The following SPTLC2 variants were observed in gnomAD, a reference collection of about 807,000 sequenced individuals.
SPTLC2 encodes the protein serine palmitoyltransferase 2.
Under a neutral mutation model 62.0 loss-of-function variants are expected in SPTLC2, and 21 were observed. That is an observed-to-expected ratio of 0.34 (90% CI 0.24 to 0.49). The LOEUF (loss-of-function observed/expected upper bound fraction) is 0.49. Among genes scored for constraint, SPTLC2 ranks in the 20% least tolerant of loss-of-function variants. SPTLC2 has a pLI of 0.99. For missense variants in SPTLC2, 511 were observed against 713.0 expected, an observed-to-expected ratio of 0.72 and a Z score of 3.23; for synonymous variants, 261 against 261.8, an observed-to-expected ratio of 1.00 and a Z score of 0.03.
intron 11 of SPTLC2, among the ~76,000 whole-genome samples, chr14:77,513,041 T>G (rs1306606267): frequency 6.8e-6 from 1 of 147,612 alleles, no homozygotes; most frequent in African/African-American, 2.5e-5. Context: ...TTTTTTTTTT[T>G]TTGAGACAGA....
intron 6 of SPTLC2, among the ~76,000 whole-genome samples, chr14:77,557,616 A>G (rs757976664): frequency 3.3e-5 from 5 of 152,254 alleles, no homozygotes; most frequent in Non-Finnish European, 7.3e-5. Flanking sequence ...AAAACTTCAC[A>G]GTGCGTGCTC....
At chr14:77,602,895 T>C (rs2079885731) in intron 1 of SPTLC2, among the ~76,000 whole-genome samples, 2 of 152,166 alleles carry the variant, frequency 1.3e-5, no homozygotes, top group Non-Finnish European at 2.9e-5. Flanking sequence ...TTTATTCAGA[T>C]TTTGTCAAAC....
At chr14:77,574,693 C>T (rs1237460544) in intron 4 of SPTLC2, among the ~76,000 whole-genome samples, 1 of 152,138 alleles carries the variant, frequency 6.6e-6, no homozygotes, top group East Asian at 1.9e-4. Flanking sequence ...TTACAGGCTA[C>T]AACATGGATG....
At chr14:77,530,778 T>C (rs1425131074) in intron 9 of SPTLC2, among the ~76,000 whole-genome samples, 1 of 152,166 alleles carries the variant, frequency 6.6e-6, no homozygotes, top group Non-Finnish European at 1.5e-5. Flanking sequence ...GTTCTTCTGG[T>C]TTCAAAGACT....
At chr14:77,570,266 C>A (rs1047140678) in intron 5 of SPTLC2, 118 bp downstream of exon 5, 84 of 1,047,850 alleles carry the variant, frequency 8.0e-5, no homozygotes, top group Middle Eastern at 5.0e-4. Context: ...GTAGAAATAT[C>A]TTTGGCTAAA....
At chr14:77,605,459 T>C (rs1035338570) in intron 1 of SPTLC2, among the ~76,000 whole-genome samples, 2 of 152,168 alleles carry the variant, frequency 1.3e-5, no homozygotes, top group South Asian at 4.1e-4. Flanking sequence ...AATAAATAAA[T>C]GGCTTTAAAG....
In SPTLC2 at chr14:77,587,827, A is replaced by G. The variant is rs116927154; in HGVS notation, c.328-8718T>C. 1.3e-3 allele frequency among the ~76,000 whole-genome samples: 203 copies of G among 151,270 alleles called. 4 individuals are homozygous for G. In the East Asian group the frequency reaches 0.037, roughly 28 times the overall value. On this transcript the variant is annotated intron_variant, in intron 2 of 11. Transcript: ENST00000216484. ...TTGCTGGTATGATAGTACTACTAAA[A>G]GATTTCAAGACATTTCATTATAAAC...
intron 2 of SPTLC2, among the ~76,000 whole-genome samples, chr14:77,596,848 T>C (rs2140055920): frequency 6.6e-6 from 1 of 152,308 alleles, no homozygotes; most frequent in Non-Finnish European, 1.5e-5. Flanking sequence ...AGAGCAAGGC[T>C]TTTTCACTTC....
chr14:77,522,966 A>G (rs186559858), intron 9 of SPTLC2, among the ~76,000 whole-genome samples: 4 of 152,380 alleles, frequency 2.6e-5, no homozygotes, highest in Admixed American at 6.5e-5. Flanking sequence ...AAATAAGTCA[A>G]AATTAATACT....
chr14:77,548,236 A>C (rs148369153), intron 9 of SPTLC2, among the ~76,000 whole-genome samples: 51 of 152,294 alleles, frequency 3.3e-4, no homozygotes, highest in African/African-American at 1.1e-3. Context: ...TGTTACAATA[A>C]AGTACTTGAA....
At chr14:77,552,064 T>A in intron 9 of SPTLC2, 32 bp downstream of exon 9, 3 of 1,612,962 alleles carry the variant, frequency 1.9e-6, no homozygotes, top group Non-Finnish European at 2.5e-6. Flanking sequence ...CTAGGTGGAC[T>A]TATGCAATGT....
intron 5 of SPTLC2, among the ~76,000 whole-genome samples, chr14:77,567,981 G>A (rs2079655176): frequency 6.6e-6 from 1 of 151,780 alleles, no homozygotes; most frequent in South Asian, 2.1e-4. Context: ...TACTGGTTTA[G>A]CACCCCTAAG....
chr14:77,566,479 AAAT>A (rs953652651), intron 5 of SPTLC2, among the ~76,000 whole-genome samples: 6 of 152,198 alleles, frequency 3.9e-5, no homozygotes, highest in Non-Finnish European at 7.3e-5. Context: ...CACAGTAACA[AAAT>A]AATAATAGCA....
intron 9 of SPTLC2, among the ~76,000 whole-genome samples, chr14:77,531,420 T>TTTCTTCTTCTTCTTCTTCTTCTTC (rs145629888): frequency 1.2e-4 from 16 of 129,752 alleles, no homozygotes; most frequent in Admixed American, 6.0e-4. Flanking sequence ...GGACCATGAC[T>TTTCTTCTTCTTCTTCTTCTTCTTC]TTCTTCTTCT....
In SPTLC2 at chr14:77,508,880, A is replaced by G. The variant is rs1223397741; in HGVS notation, c.*3404T>C. ...TATGCTATCTTCAAAGCCCAGCACC[A>G]CCATATATTGGTTTTCTCTAGAGTT... On this transcript the variant is annotated 3_prime_UTR_variant, in exon 12 of 12. Coordinates refer to ENST00000216484, the MANE Select transcript of SPTLC2 (RefSeq NM_004863.4). 6.6e-6 allele frequency: 1 copy of G among 152,238 alleles called. No individual in the cohort carries two copies. Among genetic ancestry groups the G allele is most frequent in the Non-Finnish European group, 1.5e-5 (1 of 68,046 alleles). The allele number at this position is 152,238 out of a possible 1,614,324, so 9.4% of individuals were successfully genotyped here.
intron 2 of SPTLC2, among the ~76,000 whole-genome samples, chr14:77,594,367 A>G (rs1471204339): frequency 2.6e-5 from 4 of 152,224 alleles, no homozygotes; most frequent in Admixed American, 2.0e-4. Flanking sequence ...AGTTCCAAAG[A>G]TAATGTACTC....
At chr14:77,546,060 T>C (rs1034779578) in intron 9 of SPTLC2, among the ~76,000 whole-genome samples, 2 of 152,250 alleles carry the variant, frequency 1.3e-5, no homozygotes, top group African/African-American at 4.8e-5. Context: ...AATTAAACTT[T>C]GGAAAATTAG....
intron 2 of SPTLC2, among the ~76,000 whole-genome samples, chr14:77,595,885 T>C (rs1254347467): frequency 6.6e-6 from 1 of 152,180 alleles, no homozygotes; most frequent in East Asian, 1.9e-4. Context: ...AAGACAACCT[T>C]TTGCCATGTG....
intron 2 of SPTLC2, among the ~76,000 whole-genome samples, chr14:77,582,491 A>G (rs935827164): frequency 6.6e-6 from 1 of 152,212 alleles, no homozygotes; most frequent in African/African-American, 2.4e-5. Context: ...ACTATATAAA[A>G]CAGAAAAACC....
Sources: allele counts gnomAD v4.1 joint callset (sites outside exome capture counted in the v4.1 genomes callset), GRCh38; gene constraint gnomAD v4.1.1; transcripts MANE v1.5; gene names NCBI Gene and HGNC (gene_info 2026-07-23, HGNC 2026-07-21).